MLH3: variants seen among roughly 807,000 people sequenced by gnomAD.
MLH3 encodes the protein DNA mismatch repair protein Mlh3.
In MLH3, 82 loss-of-function variants were observed where a neutral mutation model predicts 122.2. That is an observed-to-expected ratio of 0.67 (90% CI 0.56 to 0.81). MLH3 has a LOEUF of 0.81. Among genes scored for constraint, MLH3 ranks in the 30% least tolerant of loss-of-function variants. The pLI is 0.00. For missense variants in MLH3, 1,539 were observed against 1,714.5 expected, an observed-to-expected ratio of 0.90 and a Z score of 1.81; for synonymous variants, 524 against 599.5, an observed-to-expected ratio of 0.87 and a Z score of 1.84.
At chr14:75,039,875 A>T (rs982126115) in intron 5 of MLH3, 36 bp downstream of exon 5, 9 of 401,960 alleles carry the variant, frequency 2.2e-5, no homozygotes, top group African/African-American at 1.6e-4. Flanking sequence ...ATATATATAT[A>T]TATATATTTA....
In MLH3 at chr14:75,041,675, G is replaced by A. The variant is rs746155226; in HGVS notation, c.3405C>T (p.Ser1135=). 1.2e-5 allele frequency: 19 copies of A among 1,613,762 alleles called. No homozygotes were observed. The highest frequency in any genetic ancestry group is 4.0e-5 in the African/African-American group (3 of 74,902). Residue 1135 remains serine (S), a synonymous_variant, in exon 4 of 13, where the codon AGC becomes AGT. Transcript: ENST00000355774. ...NRDTVDDTVS[S]ESLQSLFSEW... ...CTGAGAACAAAGACTGAAGCGATTC[G>A]CTACTAACAGTATCATCCACAGTAT...
rs2139281849 is a variant in MLH3, at chr14:75,017,017, C to T, written c.*65G>A. ...AGGGCCGTGCTGGTACCTGCTGCTGCTGCTCTCTGCTCAGAGGCATACAGT... is the reference window on the plus strand; with the variant it reads ...AGGGCCGTGCTGGTACCTGCTGCTGTTGCTCTCTGCTCAGAGGCATACAGT... On this transcript the variant is annotated 3_prime_UTR_variant, in exon 13 of 13. Transcript: ENST00000355774. 4 of 1,595,568 alleles carry T rather than the reference C, an allele frequency of 2.5e-6. No homozygotes were observed. The highest frequency in any genetic ancestry group is 3.4e-5 in the Admixed American group (2 of 59,632).
rs2139571736 is a variant in MLH3 at position 75,047,647 on chromosome 14, G to A, written c.2009C>T (p.Pro670Leu). ...STLSKESGQL[P>L]NKKNCRTNIS... ...ATTCGTTCTGCAATTTTTTTTGTTG[G>A]GCAATTGACCAGATTCTTTACTTAA... is the stretch of plus-strand genomic sequence containing the variant. The change falls in exon 2 of 13, where the codon CCC becomes CTC. Residue 670 changes from proline (P) to leucine (L), a missense_variant. Transcript: ENST00000355774. 1 of 1,613,816 alleles carries A rather than the reference G, an allele frequency of 6.2e-7. No individual in the cohort carries two copies. Among genetic ancestry groups the A allele is most frequent in the Non-Finnish European group, 8.5e-7 (1 of 1,179,930 alleles).
At chr14:75,025,833 C>T (rs894801389) in intron 9 of MLH3, among the ~76,000 whole-genome samples, 7 of 152,134 alleles carry the variant, frequency 4.6e-5, no homozygotes, top group Non-Finnish European at 8.8e-5. Context: ...AGGTTTGTTC[C>T]TCCTCATCTG....
chr14:75,029,953 C>G (rs1890927499), intron 9 of MLH3, among the ~76,000 whole-genome samples: 1 of 151,442 alleles, frequency 6.6e-6, no homozygotes, highest in South Asian at 2.1e-4. Context: ...TCAGGACCAG[C>G]CTGGGCAACA....
chr14:75,016,862 C>A lies in MLH3; in HGVS notation c.*220G>T, dbSNP rs1046366246. 4.2e-5 allele frequency: 23 copies of A among 550,322 alleles called. No individual in the cohort carries two copies. Among genetic ancestry groups the A allele is most frequent in the Non-Finnish European group, 5.9e-5 (18 of 302,624 alleles). 34.1% of individuals were successfully genotyped at this position (550,322 alleles called of 1,614,324 possible). On this transcript the variant is annotated 3_prime_UTR_variant, in exon 13 of 13. Transcript: ENST00000355774. ...TAGCAACCTTCTGTGCCCATGGATG[C>A]AAATGAATGAATTGTCTTTAGGCTT...
chr14:75,032,096 C>G lies in MLH3; in HGVS notation c.3799G>C (p.Val1267Leu). 6.2e-7 allele frequency: 1 copy of G among 1,612,616 alleles called. No individual in the cohort carries two copies. Among genetic ancestry groups the G allele is most frequent in the Non-Finnish European group, 8.5e-7 (1 of 1,178,640 alleles). ...STLIPPLEIT[V>L]TEEQRRLLWC... ...AAGAGTCTCCTTTGTTCCTCTGTCA[C>G]TGTTATCTCTAGCGGAGGAATTAGA... The change falls in exon 8 of 13, where the codon GTG (valine) becomes CTG (leucine). Residue 1267 changes from valine to leucine, a missense_variant. By Grantham distance (32) the Val-to-Leu change is conservative (BLOSUM62 1). Transcript: ENST00000355774.
At chr14:75,024,469 G>A (rs1042645840) in intron 9 of MLH3, among the ~76,000 whole-genome samples, 4 of 151,620 alleles carry the variant, frequency 2.6e-5, no homozygotes, top group African/African-American at 9.7e-5. Flanking sequence ...CCAAAGTGCT[G>A]GGATTACAGT....
In MLH3 at chr14:75,022,843, T is replaced by G; in HGVS notation, c.4061A>C (p.Gln1354Pro). The G allele has an allele frequency of 1.2e-6, 2 of 1,614,172 alleles. No individual in the cohort carries two copies. The highest frequency in any genetic ancestry group is 1.7e-6 in the Non-Finnish European group (2 of 1,180,012). ...GCAGGCTTGGGATGCCAACACCTTC[T>G]GGACAGTCAGTGGCAATGTCCCTTG... ...GIQGTLPLTV[Q>P]KVLASQACHG... Residue 1354 changes from glutamine to proline, a missense_variant, in exon 11 of 13, where the codon CAG (glutamine) becomes CCG (proline). Physicochemically the swap from Gln to Pro is moderately conservative, Grantham distance 76. Transcript: ENST00000355774.
At chr14:75,032,220 A>T (rs1320857297) in intron 7 of MLH3, 41 bp from the exon 8 acceptor site, 1 of 1,144,442 alleles carries the variant, frequency 8.7e-7, no homozygotes, top group Non-Finnish European at 1.3e-6. Flanking sequence ...TAGGAAGGGA[A>T]GTCTTCTAGA....
intron 6 of MLH3, chr14:75,036,465 C>T (rs1174995036): frequency 3.6e-5 from 12 of 335,784 alleles, no homozygotes; most frequent in Non-Finnish European, 5.3e-5. Context: ...CTGCCTCAGC[C>T]TCCCGAGTAG....
rs1469204233 is a variant in MLH3, at chr14:75,048,685, G to C, written c.971C>G (p.Ala324Gly). Reference protein sequence around the residue: ...FCEYDVCMEPAKTLIEFQNWD... With the variant: ...FCEYDVCMEPGKTLIEFQNWD... ...GTTCTGAAATTCAATCAGAGTTTTG[G>C]CTGGCTCCATGCACACATCATACTC... Residue 324 changes from alanine (A) to glycine (G), a missense_variant, in exon 2 of 13, where the codon GCC becomes GGC. By Grantham distance (60) the Ala-to-Gly change is moderately conservative (BLOSUM62 0). Coordinates refer to ENST00000355774, the MANE Select transcript of MLH3 (RefSeq NM_001040108.2). 3.1e-6 allele frequency: 5 copies of C among 1,614,080 alleles called. No individual in the cohort carries two copies. In the East Asian group the frequency reaches 1.1e-4, roughly 36 times the overall value.
Position 75,046,781 on chromosome 14 carries a change from T to C in MLH3, c.2875A>G (p.Thr959Ala), listed in dbSNP as rs1477578386. The C allele has an allele frequency of 3.1e-6, 5 of 1,614,232 alleles. No individual in the cohort carries two copies. In the African/African-American group the frequency reaches 4.0e-5, roughly 13 times the overall value. The stretch of plus-strand genomic sequence containing the variant: ...TCTGATATCACACAGTTCTCTGTTG[T>C]ATTGCTGTTAGAATGTGTTTTACTA... ...KNSKTHSNSN[T>A]TENCVISETP... Residue 959 changes from threonine to alanine, a missense_variant, in exon 2 of 13, where the codon ACA becomes GCA. Coordinates refer to ENST00000355774, the MANE Select transcript of MLH3 (RefSeq NM_001040108.2).
chr14:75,049,478 C>A lies in MLH3; in HGVS notation c.178G>T (p.Gly60Trp), dbSNP rs1412532548. 6.2e-7 allele frequency: 1 copy of A among 1,614,186 alleles called. No homozygotes were observed. Among genetic ancestry groups the A allele is most frequent in the Non-Finnish European group, 8.5e-7 (1 of 1,180,040 alleles). Residue 60 changes from glycine to tryptophan, a missense_variant, in exon 2 of 13, where the codon GGG (glycine) becomes TGG (tryptophan). Coordinates refer to ENST00000355774, the MANE Select transcript of MLH3 (RefSeq NM_001040108.2). ...TTCTCTACATCATCACTCCCCATCC[C>A]AAATCCATTGTCTATCACTTGAACT... ...FQVQVIDNGF[G>W]MGSDDVEKVG...
chr14:75,040,511 C>CTT (rs1891777732), intron 4 of MLH3, among the ~76,000 whole-genome samples: 1 of 117,798 alleles, frequency 8.5e-6, no homozygotes, highest in Non-Finnish European at 1.8e-5. Context: ...AATAATGAGT[C>CTT]TTACATAAAA....
chr14:75,047,490 G>GT lies in MLH3; in HGVS notation c.2165dup (p.His722GlnfsTer5), dbSNP rs749836409. On this transcript the variant is annotated frameshift_variant, in exon 2 of 13. Transcript: ENST00000355774. LOFTEE classifies it high-confidence loss of function. ...CTGTTTTCCTACTATCATTGGAAAC[G>GT]TGTCTATACCAGGGGAAAGAGGGGG... The GT allele has an allele frequency of 3.7e-6, 6 of 1,614,054 alleles. No individual in the cohort carries two copies. In the South Asian group the frequency reaches 6.6e-5, roughly 18 times the overall value.
rs781462940 is a variant in MLH3, at chr14:75,041,670, G to C, written c.3410C>G (p.Ser1137Trp). 6.2e-7 allele frequency: 1 copy of C among 1,614,016 alleles called. No homozygotes were observed. Among genetic ancestry groups the C allele is most frequent in the Non-Finnish European group, 8.5e-7 (1 of 1,179,880 alleles). The change falls in exon 4 of 13, where the codon TCG becomes TGG. Residue 1137 changes from serine to tryptophan, a missense_variant. Physicochemically the swap from Ser to Trp is radical, Grantham distance 177. Coordinates refer to ENST00000355774, the MANE Select transcript of MLH3 (RefSeq NM_001040108.2). ...CCATTCTGAGAACAAAGACTGAAGC[G>C]ATTCGCTACTAACAGTATCATCCAC... The part of the protein sequence containing the change: ...DTVDDTVSSE[S>W]LQSLFSEWDN...
At chr14:75,019,110 G>A in intron 11 of MLH3, 130 bp from the exon 12 acceptor site, 1 of 871,494 alleles carries the variant, frequency 1.1e-6, no homozygotes, top group South Asian at 1.6e-5. Flanking sequence ...CTTTAATCCT[G>A]CTTGAAATTG....
At position 75,042,445 on chromosome 14, in the gene MLH3, C is replaced by T. The variant is rs138589933; in HGVS notation, c.3313G>A (p.Asp1105Asn). 3.1e-5 allele frequency: 50 copies of T among 1,614,114 alleles called. No individual in the cohort carries two copies. The highest frequency in any genetic ancestry group is 1.6e-4 in the Middle Eastern group (1 of 6,062). The change falls in exon 3 of 13, where the codon GAC (aspartate) becomes AAC (asparagine). Residue 1105 changes from aspartate (D) to asparagine (N), a missense_variant. Transcript: ENST00000355774. Reference protein sequence around the residue: ...SQYRCQPFRSDLVLPFLPRAR... With the variant: ...SQYRCQPFRSNLVLPFLPRAR... ...CTCGGAAGGAAAGGAAGAACAAGGT[C>T]GCTTCTAAAAGGTTGACACCTGTAC... is the stretch of plus-strand genomic sequence containing the variant.
Sources: allele counts gnomAD v4.1 joint callset (sites outside exome capture counted in the v4.1 genomes callset), GRCh38; gene constraint gnomAD v4.1.1; transcripts MANE v1.5; gene names NCBI Gene and HGNC (gene_info 2026-07-23, HGNC 2026-07-21).